Variants in TAFA2 observed in about 807,000 individuals in gnomAD.
The protein encoded by TAFA2 is chemokine-like protein TAFA-2.
A neutral mutation model predicts 18.8 loss-of-function variants in TAFA2; 7 were observed. The ratio of observed to expected loss-of-function variants is 0.37; its 90% confidence interval spans 0.21 to 0.70. The LOEUF is 0.70. Among genes scored for constraint, TAFA2 ranks in the 30% least tolerant of loss-of-function variants. The pLI is 0.53. For synonymous variants in TAFA2, 60 were observed against 54.2 expected (o/e 1.11, Z -0.47); for missense variants, 122 against 158.1 (o/e 0.77, Z 1.23).
rs985036128 is a variant in TAFA2, at chr12:61,946,403, A to C, written c.-1-78977T>G. 2.4e-5 allele frequency among the ~76,000 whole-genome samples: 3 copies of C among 123,616 alleles called. No homozygotes were observed. The East Asian group carries it at 8.4e-4, about 35-fold the overall frequency. 81.1% of individuals were successfully genotyped at this position (123,616 alleles called of 152,430 possible). ...ATTCAGGACATAGGCGTGGGCAAGG[A>C]CTTCATGTCCAAAACACCAAAAGCA... On this transcript the variant is annotated intron_variant, in intron 1 of 4. Coordinates refer to ENST00000416284, the MANE Select transcript of TAFA2 (RefSeq NM_178539.5).
At chr12:62,224,910 G>A (rs1421989040) in intron 1 of TAFA2, among the ~76,000 whole-genome samples, 1 of 152,030 alleles carries the variant, frequency 6.6e-6, no homozygotes, top group Non-Finnish European at 1.5e-5. Context: ...TAAAAAATAA[G>A]TAATGGGCAA....
At chr12:61,981,079 A>G (rs1410318465) in intron 1 of TAFA2, among the ~76,000 whole-genome samples, 1 of 152,220 alleles carries the variant, frequency 6.6e-6, no homozygotes, top group African/African-American at 2.4e-5. Flanking sequence ...TACAGTAACC[A>G]AAACAGCATG....
intron 1 of TAFA2, among the ~76,000 whole-genome samples, chr12:61,872,654 T>G (rs1249835314): frequency 6.6e-6 from 1 of 152,136 alleles, no homozygotes; most frequent in Admixed American, 6.5e-5. Flanking sequence ...TTCACATCCC[T>G]GTACCCCAGG....
intron 1 of TAFA2, among the ~76,000 whole-genome samples, chr12:61,955,899 T>A (rs975062927): frequency 2.0e-5 from 3 of 151,704 alleles, no homozygotes; most frequent in Non-Finnish European, 4.4e-5. Context: ...GCTCTCATAA[T>A]GTCTCAAGTG....
chr12:61,788,904 T>G (rs1243231449), intron 2 of TAFA2, among the ~76,000 whole-genome samples: 8 of 151,910 alleles, frequency 5.3e-5, no homozygotes, highest in Non-Finnish European at 1.2e-4. Flanking sequence ...ACTAAAAGTT[T>G]TTTTCTATTA....
At chr12:62,053,470 A>G (rs909290023) in intron 1 of TAFA2, among the ~76,000 whole-genome samples, 17 of 152,224 alleles carry the variant, frequency 1.1e-4, no homozygotes, top group Non-Finnish European at 1.9e-4. Context: ...AATATAATAA[A>G]TGCTGCTTTA....
intron 1 of TAFA2, among the ~76,000 whole-genome samples, chr12:61,943,788 A>G (rs1223380977): frequency 1.5e-5 from 2 of 133,020 alleles, no homozygotes; most frequent in African/African-American, 5.7e-5. Context: ...ATACAGGAGC[A>G]CCCAGATTCA....
At chr12:61,806,880 C>T (rs1871636565) in intron 2 of TAFA2, among the ~76,000 whole-genome samples, 1 of 152,146 alleles carries the variant, frequency 6.6e-6, no homozygotes, top group Admixed American at 6.5e-5. Flanking sequence ...AAATGCTAAG[C>T]AGCAAAGCCT....
chr12:61,871,863 T>A (rs1874617470), intron 1 of TAFA2, among the ~76,000 whole-genome samples: 1 of 152,020 alleles, frequency 6.6e-6, no homozygotes, highest in Admixed American at 6.6e-5. Flanking sequence ...GAGGCCGAGG[T>A]GGGTGGATCA....
intron 1 of TAFA2, among the ~76,000 whole-genome samples, chr12:62,164,295 A>G (rs2062425027): frequency 6.6e-6 from 1 of 152,146 alleles, no homozygotes; most frequent in Non-Finnish European, 1.5e-5. Context: ...GAGAACATCT[A>G]TCTTGTTCCT....
At chr12:61,775,292 A>G (rs540971424) in intron 2 of TAFA2, among the ~76,000 whole-genome samples, 7 of 151,988 alleles carry the variant, frequency 4.6e-5, no homozygotes, top group South Asian at 2.1e-4. Context: ...TAATCCAGCA[A>G]TAGTGCTCTT....
chr12:61,895,543 T>C (rs1036773351), intron 1 of TAFA2, among the ~76,000 whole-genome samples: 2 of 152,078 alleles, frequency 1.3e-5, no homozygotes, highest in African/African-American at 4.8e-5. Context: ...CAAGCACAAA[T>C]ACAGTGTGGT....
intron 1 of TAFA2, among the ~76,000 whole-genome samples, chr12:62,114,132 G>C (rs897837566): frequency 6.6e-6 from 1 of 152,182 alleles, no homozygotes; most frequent in Non-Finnish European, 1.5e-5. Flanking sequence ...AGGTACCCAA[G>C]GGAATCTCCT....
At chr12:61,836,756 T>TATATATATATATATATACACAC (rs68158949) in intron 2 of TAFA2, among the ~76,000 whole-genome samples, 8 of 119,848 alleles carry the variant, frequency 6.7e-5, no homozygotes, top group Non-Finnish European at 1.8e-5. Flanking sequence ...TATATATATA[T>TATATATATATATATATACACAC]ACACACACAC....
chr12:62,189,318 AATACAATCCAAC>A (rs1188276125), intron 1 of TAFA2, among the ~76,000 whole-genome samples: 1 of 152,224 alleles, frequency 6.6e-6, no homozygotes, highest in Non-Finnish European at 1.5e-5. Flanking sequence ...ATCTATAAAT[AATACAATCCAAC>A]TTTTTTATTG....
chr12:61,947,489 A>C (rs933836181), intron 1 of TAFA2, among the ~76,000 whole-genome samples: 2 of 151,988 alleles, frequency 1.3e-5, no homozygotes, highest in African/African-American at 2.4e-5. Flanking sequence ...AAATAAATAA[A>C]AAAGAATTTT....
intron 1 of TAFA2, among the ~76,000 whole-genome samples, chr12:62,106,096 G>T (rs112719080): frequency 0.054 from 8,231 of 152,194 alleles, 333 homozygotes; most frequent in Non-Finnish European, 0.083. Context: ...ACTTAGGGAG[G>T]CCAAGGTGGG....
chr12:62,182,086 A>G (rs966655779), intron 1 of TAFA2, among the ~76,000 whole-genome samples: 1 of 151,428 alleles, frequency 6.6e-6, no homozygotes, highest in Non-Finnish European at 1.5e-5. Context: ...GGAATAAGTC[A>G]CTATTGAAAT....
chr12:61,975,814 C>T (rs575831040), intron 1 of TAFA2, among the ~76,000 whole-genome samples: 2 of 151,592 alleles, frequency 1.3e-5, no homozygotes, highest in Non-Finnish European at 2.9e-5. Flanking sequence ...GGCAAGGTGA[C>T]TAAAGTTAAT....
Sources: gnomAD v4.1 joint callset for allele counts (sites outside exome capture counted in the v4.1 genomes callset) on GRCh38, gnomAD v4.1.1 for gene constraint, MANE v1.5 for transcripts, NCBI Gene and HGNC (gene_info 2026-07-23, HGNC 2026-07-21) for gene names.